PDZD2: variants seen among roughly 807,000 people sequenced by gnomAD.
The protein encoded by PDZD2 is PDZ domain containing 2, also known as PDZ domain-containing protein 2.
PDZD2 carries 90 observed loss-of-function variants against 220.7 expected under a neutral mutation model. That is an observed-to-expected ratio of 0.41 (90% CI 0.34 to 0.49). The LOEUF (loss-of-function observed/expected upper bound fraction) is 0.49, where lower values mean the gene tolerates loss of function less well. PDZD2 is among the 20% of genes least tolerant of loss of function. The pLI is 0.28. For missense variants in PDZD2, 3,174 were observed against 3,608.5 expected, an observed-to-expected ratio of 0.88 and a Z score of 3.08; for synonymous variants, 1,375 against 1,450.5, an observed-to-expected ratio of 0.95 and a Z score of 1.18.
chr5:32,074,871 C>T (rs1039901268), intron 18 of PDZD2, among the ~76,000 whole-genome samples: 3 of 151,224 alleles, frequency 2.0e-5, no homozygotes, highest in Non-Finnish European at 2.9e-5. Context: ...AGTGCAGTGG[C>T]GCAATCTCAG....
Position 32,109,352 on chromosome 5 carries a change from CAA to C in PDZD2, c.*1221_*1222del, listed in dbSNP as rs1581522367. On this transcript the variant is annotated 3_prime_UTR_variant, in exon 25 of 25. Transcript: ENST00000438447. ...CCGCTTTGCAATTTCCTCCTTTTGC[CAA>C]AAATGTTTTCCTACAGAAGACTGTC... is the stretch of plus-strand genomic sequence containing the variant. 1.3e-5 allele frequency: 2 copies of C among 152,142 alleles called. No individual in the cohort carries two copies. Among genetic ancestry groups the C allele is most frequent in the East Asian group, 3.8e-4 (2 of 5,200 alleles). 9.4% of individuals were successfully genotyped at this position (152,142 alleles called of 1,614,324 possible).
intron 2 of PDZD2, among the ~76,000 whole-genome samples, chr5:31,915,295 C>G (rs1398068726): frequency 6.6e-6 from 1 of 152,194 alleles, no homozygotes. Flanking sequence ...TTGGCCCTTC[C>G]TATCAGATTC....
At chr5:31,748,205 G>C (rs1750715983) in intron 1 of PDZD2, 1 of 152,100 alleles carries the variant, frequency 6.6e-6, no homozygotes, top group African/African-American at 2.4e-5. Context: ...TATTTGATCA[G>C]ACAAATAATA....
intron 2 of PDZD2, among the ~76,000 whole-genome samples, chr5:31,882,484 A>G (rs780723051): frequency 2.6e-5 from 4 of 152,226 alleles, no homozygotes; most frequent in Non-Finnish European, 5.9e-5. Context: ...GGGTGTTTTC[A>G]GCAGTATTGC....
rs1283185220 is a variant in PDZD2, at chr5:31,699,485, A to G, written c.-361+60048A>G. Among the ~76,000 whole-genome samples, 3 of 152,140 alleles carry G rather than the reference A, an allele frequency of 2.0e-5. No individual in the cohort carries two copies. The East Asian group carries it at 5.8e-4, about 29-fold the overall frequency. On this transcript the variant is annotated intron_variant, in intron 1 of 24. Coordinates refer to ENST00000438447, the MANE Select transcript of PDZD2 (RefSeq NM_178140.4). ...AGGTTGAGGCCAGGCATGGTGGCTC[A>G]TGCCTGTAATCCCAGCGCTTTGGGA...
chr5:31,781,153 C>T (rs986340626), intron 1 of PDZD2, among the ~76,000 whole-genome samples: 1 of 152,222 alleles, frequency 6.6e-6, no homozygotes, highest in Non-Finnish European at 1.5e-5. Context: ...GTGGCTCACA[C>T]CTGTAATCCC....
At chr5:31,917,264 C>G (rs1743772035) in intron 2 of PDZD2, among the ~76,000 whole-genome samples, 2 of 152,150 alleles carry the variant, frequency 1.3e-5, no homozygotes, top group African/African-American at 4.8e-5. Context: ...AAAGTGAGAT[C>G]TGGATGGGTG....
chr5:32,058,188 CTATGAAT>C (rs1391761893), intron 12 of PDZD2, 85 bp downstream of exon 12: 3 of 741,940 alleles, frequency 4.0e-6, no homozygotes, highest in Non-Finnish European at 7.1e-6. Context: ...CCTTGTTGTT[CTATGAAT>C]TATTCCTTTG....
At chr5:31,925,955 T>C (rs1021255355) in intron 2 of PDZD2, among the ~76,000 whole-genome samples, 1 of 152,152 alleles carries the variant, frequency 6.6e-6, no homozygotes, top group African/African-American at 2.4e-5. Context: ...AAGTGCCTCA[T>C]GCCTATAATC....
chr5:31,986,030 G>A (rs1421581365), intron 3 of PDZD2, among the ~76,000 whole-genome samples: 6 of 145,558 alleles, frequency 4.1e-5, no homozygotes, highest in African/African-American at 7.7e-5. Flanking sequence ...AGCCAAGATC[G>A]CGCCATTGCA....
At chr5:31,779,984 C>T (rs972578960) in intron 1 of PDZD2, among the ~76,000 whole-genome samples, 4 of 152,264 alleles carry the variant, frequency 2.6e-5, no homozygotes, top group East Asian at 3.9e-4. Flanking sequence ...GGATTGAAGA[C>T]GTCGCCAGTT....
chr5:32,008,291 T>A (rs1303697705), intron 5 of PDZD2, among the ~76,000 whole-genome samples: 1 of 150,582 alleles, frequency 6.6e-6, no homozygotes, highest in Non-Finnish European at 1.5e-5. Context: ...TTTCTTTTTT[T>A]TTTTTTTTTC....
chr5:31,759,145 C>T (rs543045133), intron 1 of PDZD2, among the ~76,000 whole-genome samples: 3 of 152,026 alleles, frequency 2.0e-5, no homozygotes, highest in Non-Finnish European at 4.4e-5. Flanking sequence ...GTGCCCACCC[C>T]CTCCTCCACC....
intron 6 of PDZD2, among the ~76,000 whole-genome samples, chr5:32,025,862 A>T (rs1195893846): frequency 6.6e-6 from 1 of 151,974 alleles, no homozygotes; most frequent in Non-Finnish European, 1.5e-5. Context: ...AGTCTCCCAG[A>T]GTGCTGGGAC....
chr5:32,053,651 G>C, intron 9 of PDZD2, 118 bp from the exon 10 acceptor site: 1 of 675,408 alleles, frequency 1.5e-6, no homozygotes, highest in East Asian at 2.5e-5. Context: ...GTTAGGGAGG[G>C]CACTTCAGTT....
At chr5:31,917,694 G>T (rs139934937) in intron 2 of PDZD2, among the ~76,000 whole-genome samples, 1,565 of 152,270 alleles carry the variant, frequency 0.01, 22 homozygotes, top group African/African-American at 0.036. Flanking sequence ...ATAAAGAAAA[G>T]AGGTTTAATT....
At chr5:31,710,064 A>G (rs918599495) in intron 1 of PDZD2, among the ~76,000 whole-genome samples, 1 of 152,190 alleles carries the variant, frequency 6.6e-6, no homozygotes, top group East Asian at 1.9e-4. Flanking sequence ...CTCTGTTCCT[A>G]TGTTGGGGAG....
intron 1 of PDZD2, among the ~76,000 whole-genome samples, chr5:31,733,231 T>C (rs1161440161): frequency 1.3e-5 from 2 of 152,148 alleles, no homozygotes; most frequent in African/African-American, 4.8e-5. Flanking sequence ...CCTGGGGTGC[T>C]GGTGATGTTC....
At chr5:31,779,315 G>A (rs1287900129) in intron 1 of PDZD2, among the ~76,000 whole-genome samples, 1 of 150,722 alleles carries the variant, frequency 6.6e-6, no homozygotes, top group African/African-American at 2.4e-5. Flanking sequence ...TCCACCTAGT[G>A]AATTCTGCCA....
Sources: allele counts gnomAD v4.1 joint callset (sites outside exome capture counted in the v4.1 genomes callset), GRCh38; gene constraint gnomAD v4.1.1; transcripts MANE v1.5; gene names NCBI Gene and HGNC (gene_info 2026-07-23, HGNC 2026-07-21).